Variants in DCDC2 observed in about 807,000 individuals in gnomAD.
DCDC2 encodes doublecortin domain-containing protein 2.
DCDC2 carries 40 observed loss-of-function variants against 50.2 expected under a neutral mutation model. The ratio of observed to expected loss-of-function variants is 0.80; its 90% confidence interval spans 0.62 to 1.04. The LOEUF (loss-of-function observed/expected upper bound fraction) is 1.04, where lower values mean the gene tolerates loss of function less well. DCDC2 is among the 50% of genes least tolerant of loss of function. The pLI, the probability that DCDC2 is intolerant of heterozygous loss-of-function variation, is 0.00. For synonymous variants in DCDC2, 234 were observed against 210.6 expected (o/e 1.11, Z -0.96); for missense variants, 570 against 581.9 (o/e 0.98, Z 0.21).
Position 24,259,079 on chromosome 6 carries a change from C to T in DCDC2, c.922+18970G>A, listed in dbSNP as rs148343653. Among the ~76,000 whole-genome samples, 40 of 152,064 alleles carry T rather than the reference C, an allele frequency of 2.6e-4. No individual in the cohort carries two copies. In the East Asian group the frequency reaches 5.6e-3, roughly 21 times the overall value. On this transcript the variant is annotated intron_variant, in intron 7 of 9. Transcript: ENST00000378454. ...CTCTCCTCTTCCCCCTTTCCACTAGCGTGGGTCACACTCAGATTTCTAGCT... is the reference window on the plus strand; with the variant it reads ...CTCTCCTCTTCCCCCTTTCCACTAGTGTGGGTCACACTCAGATTTCTAGCT...
intron 7 of DCDC2, among the ~76,000 whole-genome samples, chr6:24,258,125 G>A (rs1054681095): frequency 2.6e-5 from 4 of 152,138 alleles, no homozygotes; most frequent in African/African-American, 4.8e-5. Context: ...CAAAAATGAC[G>A]CCACTGACCT....
rs757326071 is a variant in DCDC2, at chr6:24,357,526, C to T, written c.225G>A (p.Arg75=). The T allele has an allele frequency of 1.9e-6, 3 of 1,613,578 alleles. No individual in the cohort carries two copies. Among genetic ancestry groups the T allele is most frequent in the Non-Finnish European group, 2.5e-6 (3 of 1,180,040 alleles). ...CCCCGCTCTGGATCTGGTCTAGCTT[C>T]CGGATTCGGTGGCCAGTCCGCGGGG... The part of the protein sequence containing the change: ...IYTPRTGHRI[R]KLDQIQSGGN... The change falls in exon 1 of 10, where the codon CGG becomes CGA. Residue 75 remains arginine (R), a synonymous_variant. Coordinates refer to ENST00000378454, the MANE Select transcript of DCDC2 (RefSeq NM_016356.5).
At chr6:24,276,774 A>G (rs1233710416) in intron 7 of DCDC2, among the ~76,000 whole-genome samples, 1 of 152,176 alleles carries the variant, frequency 6.6e-6, no homozygotes, top group Non-Finnish European at 1.5e-5. Flanking sequence ...CTCACGGGAA[A>G]GGACTGTACA....
Position 24,290,933 on chromosome 6 carries a change from CA to C in DCDC2, c.702del (p.Phe234LeufsTer12). 1.2e-6 allele frequency: 2 copies of C among 1,613,034 alleles called. No individual in the cohort carries two copies. Among genetic ancestry groups the C allele is most frequent in the Non-Finnish European group, 1.7e-6 (2 of 1,179,748 alleles). On this transcript the variant is annotated frameshift_variant and splice_region_variant, in exon 5 of 10. Transcript: ENST00000378454. LOFTEE classifies it high-confidence loss of function. ...GGAGTGGTAAGGAGTAAGACTTACC[CA>C]AAAGGCCTTCTCATCGTTGACTTGT... ...LFDKSTMRRP[F>X]GQKASSLPPI...
At chr6:24,182,173 A>T (rs932753462) in intron 8 of DCDC2, among the ~76,000 whole-genome samples, 6 of 152,228 alleles carry the variant, frequency 3.9e-5, no homozygotes, top group African/African-American at 1.4e-4. Context: ...CAAATGAATG[A>T]AAGACCTAAA....
chr6:24,220,879 A>AGAGCGAGAGAGTGAGCGAGCGAGCGAGC (rs1762089412), intron 7 of DCDC2, among the ~76,000 whole-genome samples: 7 of 106,978 alleles, frequency 6.5e-5, no homozygotes, highest in Non-Finnish European at 1.1e-4. Flanking sequence ...CAAGAGAGCG[A>AGAGCGAGAGAGTGAGCGAGCGAGCGAGC]GAGCGAGAGA....
intron 2 of DCDC2, among the ~76,000 whole-genome samples, chr6:24,347,397 A>C (rs1237762599): frequency 6.6e-6 from 1 of 152,200 alleles, no homozygotes; most frequent in Non-Finnish European, 1.5e-5. Context: ...CAATAAATAT[A>C]GTCAGCCCTC....
chr6:24,361,975 C>T (rs531138985), upstream of DCDC2, among the ~76,000 whole-genome samples: 54 of 152,246 alleles, frequency 3.5e-4, no homozygotes, highest in African/African-American at 1.2e-3. Context: ...ATTTGCCAAT[C>T]TCTGTAGTTT....
At chr6:24,244,062 T>C (rs559589810) in intron 7 of DCDC2, among the ~76,000 whole-genome samples, 1 of 152,304 alleles carries the variant, frequency 6.6e-6, no homozygotes, top group Admixed American at 6.5e-5. Flanking sequence ...CTAACCAACA[T>C]ACACACTACC....
At chr6:24,317,529 G>A (rs1050777055) in intron 2 of DCDC2, among the ~76,000 whole-genome samples, 1 of 151,958 alleles carries the variant, frequency 6.6e-6, no homozygotes, top group African/African-American at 2.4e-5. Context: ...AGTACAAAAT[G>A]AAATCATACA....
At chr6:24,208,903 T>C (rs184182474) in intron 7 of DCDC2, among the ~76,000 whole-genome samples, 65 of 152,344 alleles carry the variant, frequency 4.3e-4, no homozygotes, top group African/African-American at 1.5e-3. Flanking sequence ...ATTTTTGGCA[T>C]TGTCTGCAAG....
chr6:24,227,583 C>A (rs1762257078), intron 7 of DCDC2, among the ~76,000 whole-genome samples: 2 of 152,212 alleles, frequency 1.3e-5, no homozygotes, highest in South Asian at 2.1e-4. Context: ...GCCATGCCCA[C>A]AGGTCCTATC....
chr6:24,351,179 A>G (rs1760362873), intron 2 of DCDC2, among the ~76,000 whole-genome samples: 1 of 152,228 alleles, frequency 6.6e-6, no homozygotes, highest in Non-Finnish European at 1.5e-5. Flanking sequence ...CCAAGAACCC[A>G]AAAACCTTTC....
chr6:24,366,165 T>G, the DCDC2 span, among the ~76,000 whole-genome samples: 1 of 152,314 alleles, frequency 6.6e-6, no homozygotes, highest in East Asian at 1.9e-4. Flanking sequence ...GAATGTGAGA[T>G]GAGTAGAAAC....
chr6:24,371,287 AAAAAAAG>A, the DCDC2 span, among the ~76,000 whole-genome samples: 16 of 140,768 alleles, frequency 1.1e-4, no homozygotes, highest in Non-Finnish European at 1.5e-4. Flanking sequence ...AAAAAAAAAA[AAAAAAAG>A]AAAAGAAAAG....
chr6:24,301,553 C>T (rs992579514), intron 4 of DCDC2, among the ~76,000 whole-genome samples, 162 bp downstream of exon 4: 23 of 152,026 alleles, frequency 1.5e-4, no homozygotes, highest in Admixed American at 1.1e-3. Context: ...TTTTAAACAA[C>T]GCTATGAGGT....
the DCDC2 span, among the ~76,000 whole-genome samples, chr6:24,371,413 G>A: frequency 6.6e-6 from 1 of 151,834 alleles, no homozygotes; most frequent in Non-Finnish European, 1.5e-5. Flanking sequence ...AGAGCAGCCT[G>A]GGCAACAAGG....
chr6:24,219,680 T>A (rs1372756977), intron 7 of DCDC2, among the ~76,000 whole-genome samples: 1 of 152,204 alleles, frequency 6.6e-6, no homozygotes, highest in African/African-American at 2.4e-5. Flanking sequence ...GCCCTACCCA[T>A]TGATTTAATG....
At chr6:24,209,844 G>GT (rs1761817475) in intron 7 of DCDC2, among the ~76,000 whole-genome samples, 1 of 152,126 alleles carries the variant, frequency 6.6e-6, no homozygotes, top group African/African-American at 2.4e-5. Flanking sequence ...GTGCTTAGCT[G>GT]TCTAGAGTCA....
Sources: allele counts gnomAD v4.1 joint callset (sites outside exome capture counted in the v4.1 genomes callset), GRCh38; gene constraint gnomAD v4.1.1; transcripts MANE v1.5; gene names NCBI Gene and HGNC (gene_info 2026-07-23, HGNC 2026-07-21).